Variants in COL6A5 observed in about 807,000 individuals in gnomAD.
COL6A5 encodes the protein collagen alpha-5(VI) chain.
Under a neutral mutation model 65.6 loss-of-function variants are expected in COL6A5, and 48 were observed. The observed-to-expected ratio is 0.73, with a 90% CI of 0.58 to 0.93. The LOEUF is 0.93. Ranked by LOEUF, COL6A5 falls within the 40% of genes least tolerant of loss-of-function variation. The pLI is 0.00. For missense variants in COL6A5, 914 were observed against 928.3 expected, an observed-to-expected ratio of 0.98 and a Z score of 0.20; for synonymous variants, 291 against 322.8, an observed-to-expected ratio of 0.90 and a Z score of 1.05.
At chr3:130,405,166 C>A (rs933005055) in intron 13 of COL6A5, among the ~76,000 whole-genome samples, 3 of 152,154 alleles carry the variant, frequency 2.0e-5, no homozygotes, top group Admixed American at 1.3e-4. Context: ...CACTTCCCAG[C>A]AACTGTTTCT....
intron 12 of COL6A5, 48 bp from the exon 13 acceptor site, chr3:130,403,561 T>C: frequency 7.2e-7 from 1 of 1,384,340 alleles, no homozygotes; most frequent in Non-Finnish European, 9.5e-7. Flanking sequence ...AAGTTTGACT[T>C]TATTGGGGGG....
intron 1 of COL6A5, among the ~76,000 whole-genome samples, chr3:130,362,884 C>T (rs573032009): frequency 1.3e-5 from 2 of 152,236 alleles, no homozygotes; most frequent in Admixed American, 1.3e-4. Context: ...GTATATCTTT[C>T]TCTATCCAAT....
At chr3:130,377,547 C>T (rs189467441) in intron 3 of COL6A5, among the ~76,000 whole-genome samples, 26 of 152,342 alleles carry the variant, frequency 1.7e-4, no homozygotes, top group African/African-American at 6.0e-4. Context: ...GGGATGCCCT[C>T]AGTGGTGCAG....
At position 130,455,532 on chromosome 3, in the gene COL6A5, C is replaced by A. The variant is rs375371350; in HGVS notation, c.1412C>A (p.Ser471Ter). The A allele has an allele frequency of 6.2e-7, 1 of 1,612,582 alleles. No homozygotes were observed. The highest frequency in any genetic ancestry group is 1.3e-5 in the African/African-American group (1 of 74,820). The change falls in exon 5 of 8, where the codon TCA becomes TAA. Residue 471 changes from serine (S) to a stop codon, truncating the protein, a stop_gained. Transcript: ENST00000512836. LOFTEE classifies it high-confidence loss of function. ...CAAGAATTAAATTCTGGGAGAGAAT[C>A]ACCTTTTGTAAAGACGGAAGACAAT...
At chr3:130,481,061 T>A (rs1008240172) in intron 7 of COL6A5, among the ~76,000 whole-genome samples, 2 of 152,020 alleles carry the variant, frequency 1.3e-5, no homozygotes, top group African/African-American at 2.4e-5. Flanking sequence ...CTTTTTTTTT[T>A]AATCCTTTAA....
At chr3:130,413,969 G>A (rs750632444) in intron 21 of COL6A5, 100 bp from the exon 22 acceptor site, 2 of 914,280 alleles carry the variant, frequency 2.2e-6, no homozygotes, top group Non-Finnish European at 3.4e-6. Context: ...CCACAAGTCA[G>A]ACAAAATAGT....
chr3:130,428,263 C>T (rs184773549), upstream of COL6A5, among the ~76,000 whole-genome samples: 73 of 152,212 alleles, frequency 4.8e-4, 1 homozygote, highest in Middle Eastern at 6.8e-3. Context: ...GGCAACAGGC[C>T]GTTAGAGCTG....
chr3:130,470,808 C>T (rs1406298408), intron 6 of COL6A5, 63 bp from the exon 39 acceptor site: 2 of 1,228,390 alleles, frequency 1.6e-6, no homozygotes, highest in African/African-American at 3.0e-5. Flanking sequence ...CATGATCTGA[C>T]TTTGGGTGAG....
intron 1 of COL6A5, among the ~76,000 whole-genome samples, chr3:130,367,430 G>C (rs1935382955): frequency 6.6e-6 from 1 of 152,056 alleles, no homozygotes; most frequent in Non-Finnish European, 1.5e-5. Context: ...GCATTTGCAC[G>C]AGCACTTGCC....
chr3:130,361,947 T>C (rs1317808202), intron 1 of COL6A5, among the ~76,000 whole-genome samples: 1 of 152,114 alleles, frequency 6.6e-6, no homozygotes, highest in Non-Finnish European at 1.5e-5. Context: ...ATATTTTGGG[T>C]AATAGTCCTT....
intron 12 of COL6A5, among the ~76,000 whole-genome samples, chr3:130,403,321 G>A (rs570988274): frequency 6.5e-4 from 99 of 152,208 alleles, no homozygotes; most frequent in African/African-American, 2.3e-3. Flanking sequence ...CCTGCAAATC[G>A]CTCAGGTGCA....
intron 3 of COL6A5, 22 bp downstream of exon 3, chr3:130,376,858 G>C (rs759707071): frequency 1.9e-6 from 3 of 1,581,944 alleles, no homozygotes; most frequent in Non-Finnish European, 2.6e-6. Flanking sequence ...CTTGGTTGAA[G>C]AGGTGCCTGA....
exon 9 of COL6A5, chr3:130,397,905 A>G: frequency 6.4e-7 from 1 of 1,550,692 alleles, no homozygotes; most frequent in Non-Finnish European, 8.7e-7. Flanking sequence ...TTAAGGATAA[A>G]TCTGCATCCC....
At chr3:130,417,366 C>T (rs1038890767) in intron 24 of COL6A5, among the ~76,000 whole-genome samples, 3 of 152,072 alleles carry the variant, frequency 2.0e-5, no homozygotes, top group Non-Finnish European at 4.4e-5. Flanking sequence ...TGATTGAATC[C>T]AAGCACCATC....
chr3:130,418,128 C>T (rs1341621792), intron 24 of COL6A5, among the ~76,000 whole-genome samples: 2 of 151,990 alleles, frequency 1.3e-5, no homozygotes, highest in Non-Finnish European at 2.9e-5. Context: ...AATCATTATA[C>T]AACATATATG....
At chr3:130,406,743 A>G (rs1279024653) in intron 17 of COL6A5, among the ~76,000 whole-genome samples, 1 of 151,962 alleles carries the variant, frequency 6.6e-6, no homozygotes, top group Admixed American at 6.6e-5. Flanking sequence ...ACTGTGAAAC[A>G]TTTTTTAACT....
chr3:130,416,800 C>G (rs76864445), exon 24 of COL6A5: 6 of 1,525,234 alleles, frequency 3.9e-6, no homozygotes, highest in Non-Finnish European at 5.3e-6. Context: ...ACTGGAAGAC[C>G]TGGACTTTTG....
chr3:130,349,003 C>T (rs967890689), intron 1 of COL6A5, among the ~76,000 whole-genome samples: 1 of 151,904 alleles, frequency 6.6e-6, no homozygotes, highest in Non-Finnish European at 1.5e-5. Context: ...TTCAAGGAAC[C>T]ATTCTTGTCC....
At chr3:130,366,515 T>C (rs890907237) in intron 1 of COL6A5, among the ~76,000 whole-genome samples, 2 of 152,218 alleles carry the variant, frequency 1.3e-5, no homozygotes, top group African/African-American at 2.4e-5. Context: ...TCCAACCCTC[T>C]TGTTTTATAG....
Sources: allele counts gnomAD v4.1 joint callset (sites outside exome capture counted in the v4.1 genomes callset), GRCh38; gene constraint gnomAD v4.1.1; transcripts MANE v1.5; gene names NCBI Gene and HGNC (gene_info 2026-07-23, HGNC 2026-07-21).